MYO5B: variants seen among roughly 807,000 people sequenced by gnomAD.
MYO5B encodes the protein unconventional myosin-Vb.
In MYO5B, 143 loss-of-function variants were observed where a neutral mutation model predicts 229.3. That is an observed-to-expected ratio of 0.62 (90% CI 0.54 to 0.72). The LOEUF is 0.72. Among genes scored for constraint, MYO5B ranks in the 30% least tolerant of loss-of-function variants. The pLI is 0.00. For synonymous variants in MYO5B, 918 were observed against 885.2 expected (o/e 1.04, Z -0.66); for missense variants, 2,321 against 2,331.0 (o/e 1.00, Z 0.09).
intron 1 of MYO5B, among the ~76,000 whole-genome samples, chr18:50,142,270 G>T (rs1006266302): frequency 5.9e-5 from 9 of 152,230 alleles, no homozygotes; most frequent in Admixed American, 2.6e-4. Context: ...GGTTACCATG[G>T]CAGGCAAGGA....
intron 22 of MYO5B, among the ~76,000 whole-genome samples, chr18:49,890,621 G>A (rs535880806): frequency 9.9e-5 from 15 of 152,150 alleles, no homozygotes; most frequent in Non-Finnish European, 1.5e-4. Flanking sequence ...TTTCAAGAGG[G>A]ATATTAGTAC....
At chr18:50,079,393 T>G (rs16951463) in intron 1 of MYO5B, among the ~76,000 whole-genome samples, 6,859 of 152,202 alleles carry the variant, frequency 0.045, 166 homozygotes, top group African/African-American at 0.062. Flanking sequence ...TCCCACACTC[T>G]CCAGGTATCA....
chr18:50,082,229 C>G (rs1417521702), intron 1 of MYO5B, among the ~76,000 whole-genome samples: 1 of 152,142 alleles, frequency 6.6e-6, no homozygotes, highest in African/African-American at 2.4e-5. Flanking sequence ...GACATAAGTC[C>G]TCACTAAACC....
intron 1 of MYO5B, among the ~76,000 whole-genome samples, chr18:50,134,486 C>T (rs1021872233): frequency 1.3e-5 from 2 of 151,546 alleles, no homozygotes; most frequent in African/African-American, 4.9e-5. Flanking sequence ...ACCCAGGAGG[C>T]GGAGGTTGCA....
intron 17 of MYO5B, among the ~76,000 whole-genome samples, chr18:49,928,650 T>C (rs563786760): frequency 1.8e-4 from 27 of 152,250 alleles, no homozygotes; most frequent in African/African-American, 6.0e-4. Context: ...AAGAAGTCGT[T>C]ATATGAAAAA....
At chr18:49,993,706 T>C (rs1195235543) in intron 5 of MYO5B, among the ~76,000 whole-genome samples, 1 of 152,114 alleles carries the variant, frequency 6.6e-6, no homozygotes, top group Non-Finnish European at 1.5e-5. Flanking sequence ...CCTGCAACAT[T>C]GTCACCTCTT....
At chr18:50,132,803 A>C (rs1832781522) in intron 1 of MYO5B, among the ~76,000 whole-genome samples, 1 of 152,254 alleles carries the variant, frequency 6.6e-6, no homozygotes, top group African/African-American at 2.4e-5. Context: ...ACCTTGGCTG[A>C]AGCGTGAAAG....
At chr18:50,051,086 C>T (rs2721091) in intron 2 of MYO5B, among the ~76,000 whole-genome samples, 147,587 of 152,354 alleles carry the variant, frequency 0.97, 71,645 homozygotes, top group East Asian at 1. Context: ...AGTGATTCCA[C>T]ATATTGGCAG....
chr18:49,892,847 G>C (rs781485814), intron 22 of MYO5B, among the ~76,000 whole-genome samples: 1 of 152,150 alleles, frequency 6.6e-6, no homozygotes, highest in Non-Finnish European at 1.5e-5. Flanking sequence ...TTCTAAGTTG[G>C]AATTTGCTTA....
rs536750666 is a variant in MYO5B, at chr18:50,139,775, C to T, written c.27+54992G>A. On this transcript the variant is annotated intron_variant, in intron 1 of 39. Coordinates refer to ENST00000285039, the MANE Select transcript of MYO5B (RefSeq NM_001080467.3). ...CAGCTCCAAAGCAAAGCAGCAGGTC[C>T]GGCAGGCAGAACCACCCCCAACCAG... 1.1e-4 allele frequency among the ~76,000 whole-genome samples: 17 copies of T among 152,248 alleles called. No homozygotes were observed. The South Asian group carries it at 2.5e-3, about 22-fold the overall frequency.
intron 39 of MYO5B, 52 bp downstream of exon 39, chr18:49,835,292 T>A: frequency 1.5e-6 from 2 of 1,374,940 alleles, no homozygotes; most frequent in Non-Finnish European, 2.1e-6. Flanking sequence ...AATTTTTAAT[T>A]TCCTTTATAG....
chr18:50,026,705 G>C (rs1483447803), intron 4 of MYO5B, among the ~76,000 whole-genome samples: 1 of 152,202 alleles, frequency 6.6e-6, no homozygotes, highest in Non-Finnish European at 1.5e-5. Context: ...CGACACCTAT[G>C]ATGTGCCATC....
intron 1 of MYO5B, among the ~76,000 whole-genome samples, chr18:50,097,782 T>G (rs934721361): frequency 6.6e-6 from 1 of 152,224 alleles, no homozygotes; most frequent in Non-Finnish European, 1.5e-5. Flanking sequence ...AAACCCTGAC[T>G]GCCCATGAAG....
intron 17 of MYO5B, among the ~76,000 whole-genome samples, chr18:49,918,589 C>T (rs944791484): frequency 1.3e-5 from 2 of 152,180 alleles, no homozygotes; most frequent in Admixed American, 6.5e-5. Flanking sequence ...GAGGTATATG[C>T]TTCTTTTCTA....
chr18:49,928,728 G>A (rs2025156748), intron 17 of MYO5B, among the ~76,000 whole-genome samples: 1 of 152,116 alleles, frequency 6.6e-6, no homozygotes, highest in African/African-American at 2.4e-5. Context: ...CAGCCCACAC[G>A]CCCAGTCAAT....
chr18:49,866,674 G>A (rs4939596), intron 27 of MYO5B, among the ~76,000 whole-genome samples: 13,663 of 152,174 alleles, frequency 0.09, 798 homozygotes, highest in African/African-American at 0.16. Flanking sequence ...CCCATTCCCC[G>A]GCCCTGCCTC....
rs78220353 is a variant in MYO5B at position 50,183,838 on chromosome 18, T to C, written c.27+10929A>G. 4.6e-3 allele frequency among the ~76,000 whole-genome samples: 695 copies of C among 152,220 alleles called. 5 individuals are homozygous for C. The highest frequency in any genetic ancestry group is 0.016 in the African/African-American group (652 of 41,528). ...TTCTCATGGTAGTGAGTTCTCACTA[T>C]AGTGAGACTGGATTCGTTCTCCTGG... On this transcript the variant is annotated intron_variant, in intron 1 of 39. Transcript: ENST00000285039.
intron 1 of MYO5B, among the ~76,000 whole-genome samples, chr18:50,133,194 A>G (rs894528487): frequency 3.3e-5 from 5 of 152,194 alleles, no homozygotes; most frequent in African/African-American, 4.8e-5. Flanking sequence ...TTCAACACAG[A>G]CTACATATCC....
chr18:49,849,969 C>T (rs1017641975), intron 31 of MYO5B: 1 of 416,580 alleles, frequency 2.4e-6, no homozygotes, highest in Non-Finnish European at 4.5e-6. Flanking sequence ...GCCATGCCAA[C>T]CCCCCAGGAG....
Sources: allele counts gnomAD v4.1 joint callset (sites outside exome capture counted in the v4.1 genomes callset), GRCh38; gene constraint gnomAD v4.1.1; transcripts MANE v1.5; gene names NCBI Gene and HGNC (gene_info 2026-07-23, HGNC 2026-07-21).